The following PCCB variants were observed in gnomAD, a reference collection of about 807,000 sequenced individuals.
PCCB encodes propionyl-CoA carboxylase beta chain, mitochondrial.
PCCB carries 43 observed loss-of-function variants against 60.7 expected under a neutral mutation model. The observed-to-expected ratio is 0.71, with a 90% CI of 0.55 to 0.91. The LOEUF (loss-of-function observed/expected upper bound fraction) is 0.91. PCCB is among the 40% of genes least tolerant of loss of function. The pLI is 0.00. For missense variants in PCCB, 766 were observed against 702.8 expected, an observed-to-expected ratio of 1.09 and a Z score of -1.02; for synonymous variants, 276 against 255.9, an observed-to-expected ratio of 1.08 and a Z score of -0.75.
rs774958157 is a variant in PCCB at position 136,323,992 on chromosome 3, GT to G, written c.1091-2797del. Among the ~76,000 whole-genome samples, 457 of 128,652 alleles carry G rather than the reference GT, an allele frequency of 3.6e-3. 3 individuals carry two copies. Among genetic ancestry groups the G allele is most frequent in the Middle Eastern group, 4.1e-3 (1 of 246 alleles). The allele number at this position is 128,652 out of a possible 152,430, so 84.4% of individuals were successfully genotyped here. A position where few individuals can be genotyped will look rare whatever the true frequency, so the allele number is the denominator to read the frequency against. On this transcript the variant is annotated intron_variant, in intron 10 of 14. Transcript: ENST00000251654. The stretch of plus-strand genomic sequence containing the variant: ...AAATTTTCCTCTTTTCCCAAGCTTT[GT>G]TTTTTTTTTTTTTGATATTTAATGT...
intron 8 of PCCB, among the ~76,000 whole-genome samples, chr3:136,299,758 GTGTA>G (rs1204297979): frequency 8.0e-5 from 12 of 149,288 alleles, no homozygotes; most frequent in Non-Finnish European, 1.0e-4. Flanking sequence ...ATGCATGTGT[GTGTA>G]TGTATAGGTA....
At chr3:136,292,563 A>G (rs528287552) in intron 6 of PCCB, among the ~76,000 whole-genome samples, 1 of 152,354 alleles carries the variant, frequency 6.6e-6, no homozygotes, top group Admixed American at 6.5e-5. Flanking sequence ...AAGTTATGAT[A>G]CAAATCCTAC....
chr3:136,281,884 A>G (rs776989790), intron 5 of PCCB, among the ~76,000 whole-genome samples: 5 of 152,090 alleles, frequency 3.3e-5, no homozygotes, highest in Admixed American at 2.0e-4. Context: ...TTCTCTTATC[A>G]CTGTGTTTAA....
At chr3:136,285,858 C>T (rs1385790345) in intron 6 of PCCB, among the ~76,000 whole-genome samples, 1 of 152,172 alleles carries the variant, frequency 6.6e-6, no homozygotes, top group East Asian at 1.9e-4. Context: ...CTCTCTTGTC[C>T]TCAGCACCAT....
chr3:136,260,009 C>T (rs772405226), intron 3 of PCCB: 11 of 235,892 alleles, frequency 4.7e-5, no homozygotes, highest in Non-Finnish European at 9.2e-5. Flanking sequence ...GCCTTGGCCT[C>T]TCAAAGTCTT....
At position 136,330,017 on chromosome 3, in the gene PCCB, T is replaced by G; in HGVS notation, c.1611T>G (p.Ile537Met). Residue 537 changes from isoleucine (I) to methionine (M), a missense_variant, in exon 15 of 15, where the codon ATT becomes ATG. By Grantham distance (10) the Ile-to-Met change is conservative (BLOSUM62 1). Transcript: ENST00000251654. ...GTCCTTGGAGAAAACATGCAAATAT[T>G]CCATTGTAAACAAATCAAAGGAAAA... is the stretch of plus-strand genomic sequence containing the variant. ...VQRPWRKHAN[I>M]PL 1 of 1,614,098 alleles carries G rather than the reference T, an allele frequency of 6.2e-7. No homozygotes were observed.
At chr3:136,256,095 A>G in intron 2 of PCCB, 120 bp downstream of exon 2, 2 of 1,405,224 alleles carry the variant, frequency 1.4e-6, no homozygotes, top group Non-Finnish European at 2.0e-6. Flanking sequence ...CACTGCAGAC[A>G]TCAAGCCCAG....
intron 9 of PCCB, among the ~76,000 whole-genome samples, chr3:136,310,256 G>A (rs566066024): frequency 4.1e-4 from 63 of 152,206 alleles, no homozygotes; most frequent in Non-Finnish European, 7.4e-4. Context: ...CCCGCTACTC[G>A]GGAGGCTGAG....
intron 6 of PCCB, among the ~76,000 whole-genome samples, chr3:136,290,671 G>GTTTTTCTTTTT (rs1276235479): frequency 3.3e-5 from 2 of 60,050 alleles, no homozygotes; most frequent in Non-Finnish European, 5.4e-5. Context: ...TCTCTGTGTA[G>GTTTTTCTTTTT]TTTTTTTTTT....
At chr3:136,278,826 A>G (rs981065132) in intron 5 of PCCB, among the ~76,000 whole-genome samples, 2 of 152,138 alleles carry the variant, frequency 1.3e-5, no homozygotes, top group Non-Finnish European at 2.9e-5. Flanking sequence ...GTGTTGTTCA[A>G]GTGTACTGTT....
At chr3:136,254,673 C>T (rs1289447258) in intron 1 of PCCB, among the ~76,000 whole-genome samples, 1 of 151,552 alleles carries the variant, frequency 6.6e-6, no homozygotes, top group Non-Finnish European at 1.5e-5. Flanking sequence ...GCTGGGATTA[C>T]AGGCACGTGC....
intron 5 of PCCB, among the ~76,000 whole-genome samples, chr3:136,281,834 A>G (rs924364906): frequency 4.6e-5 from 7 of 152,156 alleles, no homozygotes; most frequent in Non-Finnish European, 8.8e-5. Context: ...GTTTTTGCAA[A>G]GAGTATGTTC....
intron 10 of PCCB, among the ~76,000 whole-genome samples, chr3:136,323,000 T>G (rs887956808): frequency 0.11 from 67 of 608 alleles, no homozygotes; most frequent in Non-Finnish European, 0.12. Flanking sequence ...AATGATGAGT[T>G]TTTTTTTTTT....
chr3:136,309,120 A>G (rs1287008696), intron 9 of PCCB, among the ~76,000 whole-genome samples: 1 of 151,932 alleles, frequency 6.6e-6, no homozygotes. Flanking sequence ...AAAATTAGCT[A>G]GGCATGGCGG....
Position 136,283,885 on chromosome 3 carries a change from G to A in PCCB, c.592G>A (p.Gly198Ser). ...GVIPQISLIMGPCAGGAVYSP... is the reference protein window; with the variant it reads ...GVIPQISLIMSPCAGGAVYSP... ...CATCCCTCAGATTTCTCTGATCATG[G>A]GCCCATGTGCTGGTGGGGCCGTCTA... Residue 198 changes from glycine to serine, a missense_variant, in exon 6 of 15, where the codon GGC becomes AGC. By Grantham distance (56) the Gly-to-Ser change is moderately conservative. Transcript: ENST00000251654. 1 of 1,613,924 alleles carries A rather than the reference G, an allele frequency of 6.2e-7. No individual in the cohort carries two copies. Among genetic ancestry groups the A allele is most frequent in the Non-Finnish European group, 8.5e-7 (1 of 1,179,918 alleles).
rs373071606 is a variant in PCCB at position 136,298,001 on chromosome 3, C to G, written c.813C>G (p.Leu271=). 1 of 1,614,090 alleles carries G rather than the reference C, an allele frequency of 6.2e-7. No homozygotes were observed. The highest frequency in any genetic ancestry group is 2.2e-5 in the East Asian group (1 of 44,880). ...FENDVDALCN[L]RDFFNYLPLS... ...ATGATGTTGATGCCTTGTGTAATCT[C>G]CGGGATTTCTTCAACTACCTGCCCC... The change falls in exon 8 of 15, where the codon CTC becomes CTG. Residue 271 remains leucine, a synonymous_variant. Transcript: ENST00000251654.
chr3:136,274,174 G>A (rs1368676807), intron 5 of PCCB, among the ~76,000 whole-genome samples: 2 of 151,510 alleles, frequency 1.3e-5, no homozygotes, highest in Non-Finnish European at 2.9e-5. Flanking sequence ...TATCATTTTA[G>A]TTGTTACTTA....
intron 5 of PCCB, among the ~76,000 whole-genome samples, chr3:136,263,259 T>TG (rs1184839233): frequency 6.7e-5 from 10 of 148,434 alleles, no homozygotes; most frequent in Admixed American, 6.0e-4. Context: ...AGCTGGTTTT[T>TG]TTTTTTTTTT....
intron 3 of PCCB, among the ~76,000 whole-genome samples, chr3:136,258,652 A>G (rs1264921451): frequency 1.3e-5 from 2 of 152,144 alleles, no homozygotes; most frequent in Non-Finnish European, 2.9e-5. Flanking sequence ...CATTCAGTGT[A>G]TAGGCTCCTA....
Sources: allele counts gnomAD v4.1 joint callset (sites outside exome capture counted in the v4.1 genomes callset), GRCh38; gene constraint gnomAD v4.1.1; transcripts MANE v1.5; gene names NCBI Gene and HGNC (gene_info 2026-07-23, HGNC 2026-07-21).